Variants in LDAH observed in about 807,000 individuals in gnomAD.
LDAH encodes the protein lipid droplet associated hydrolase.
A neutral mutation model predicts 29.6 loss-of-function variants in LDAH; 26 were observed. That is an observed-to-expected ratio of 0.88 (90% CI 0.64 to 1.22). The LOEUF (loss-of-function observed/expected upper bound fraction) is 1.22. Among genes scored for constraint, LDAH ranks in the 50% most tolerant of loss-of-function variants. The pLI, the probability that LDAH is intolerant of heterozygous loss-of-function variation, is 0.00. For synonymous variants in LDAH, 117 were observed against 133.0 expected (o/e 0.88, Z 0.83); for missense variants, 344 against 387.3 (o/e 0.89, Z 0.94).
At chr2:20,799,569 G>A (rs769445024) in intron 2 of LDAH, among the ~76,000 whole-genome samples, 7 of 151,922 alleles carry the variant, frequency 4.6e-5, no homozygotes, top group Admixed American at 1.3e-4. Context: ...CTACTCTGCC[G>A]ACTATGCCAA....
rs1198807260 is a variant in LDAH at position 20,684,761 on chromosome 2, C to A, written c.*2142G>T. On this transcript the variant is annotated 3_prime_UTR_variant, in exon 7 of 7. Transcript: ENST00000237822. ...CTCAATCGCTGAGCACTCGGTAACT[C>A]TGCAGGAAGTTAAAACTTTCACAAA... is the stretch of plus-strand genomic sequence containing the variant. 4 of 1,141,904 alleles carry A rather than the reference C, an allele frequency of 3.5e-6. No homozygotes were observed. The highest frequency in any genetic ancestry group is 1.6e-5 in the African/African-American group (1 of 64,368). 70.7% of individuals were successfully genotyped at this position (1,141,904 alleles called of 1,614,324 possible).
intron 5 of LDAH, among the ~76,000 whole-genome samples, chr2:20,720,863 C>T (rs1665596849): frequency 6.6e-6 from 1 of 151,950 alleles, no homozygotes; most frequent in African/African-American, 2.4e-5. Context: ...TCAACAAAGG[C>T]ACTAAGAACA....
intron 5 of LDAH, among the ~76,000 whole-genome samples, chr2:20,703,160 T>C (rs1664071711): frequency 6.6e-6 from 1 of 152,242 alleles, no homozygotes; most frequent in Non-Finnish European, 1.5e-5. Flanking sequence ...TGCCTCTGCT[T>C]TCCTTGTTTA....
intron 2 of LDAH, among the ~76,000 whole-genome samples, chr2:20,791,512 TC>T (rs1445199647): frequency 1.3e-5 from 2 of 152,234 alleles, no homozygotes; most frequent in African/African-American, 4.8e-5. Context: ...TTATTTTGCT[TC>T]TGTTGCATTC....
chr2:20,688,506 A>T (rs1572395350), intron 6 of LDAH, among the ~76,000 whole-genome samples: 2 of 152,146 alleles, frequency 1.3e-5, no homozygotes, highest in Non-Finnish European at 2.9e-5. Context: ...TGTCAGGAAA[A>T]CCACTCTGGC....
chr2:20,711,946 C>G (rs1664796763), intron 5 of LDAH, among the ~76,000 whole-genome samples: 1 of 152,386 alleles, frequency 6.6e-6, no homozygotes, highest in Non-Finnish European at 1.5e-5. Context: ...GACTCCACCT[C>G]TGAGGGCAGG....
In LDAH at chr2:20,795,933, C is replaced by T. The variant is rs965730645; in HGVS notation, c.154+5377G>A. On this transcript the variant is annotated intron_variant, in intron 2 of 6. Coordinates refer to ENST00000237822, the MANE Select transcript of LDAH (RefSeq NM_021925.4). ...TACCACAGTGTAAATAGATTAGCTC[C>T]CCCGAAACCTGCCACACACACACAC... Among the ~76,000 whole-genome samples the T allele has an allele frequency of 3.6e-5, 5 of 140,516 alleles. No homozygotes were observed. In the East Asian group the frequency reaches 8.4e-4, roughly 24 times the overall value. The allele number at this position is 140,516 out of a possible 152,430, so 92.2% of individuals were successfully genotyped here. A position where few individuals can be genotyped will look rare whatever the true frequency, so the allele number is the denominator to read the frequency against.
At chr2:20,699,104 A>AT (rs1361963253) in intron 6 of LDAH, among the ~76,000 whole-genome samples, 3 of 152,146 alleles carry the variant, frequency 2.0e-5, no homozygotes, top group Non-Finnish European at 4.4e-5. Flanking sequence ...ACAAAGATAT[A>AT]TTTTTCAGAA....
intron 5 of LDAH, among the ~76,000 whole-genome samples, chr2:20,729,507 T>G (rs1194561180): frequency 6.6e-6 from 1 of 152,200 alleles, no homozygotes; most frequent in African/African-American, 2.4e-5. Context: ...GCATATCTAA[T>G]GGTGTCCTCA....
intron 1 of LDAH, among the ~76,000 whole-genome samples, chr2:20,813,929 A>G (rs1193355063): frequency 6.6e-6 from 1 of 152,148 alleles, no homozygotes; most frequent in Non-Finnish European, 1.5e-5. Flanking sequence ...TCAGTCTGTA[A>G]GAAAACTTTG....
chr2:20,715,644 C>T (rs1168834534), intron 5 of LDAH, among the ~76,000 whole-genome samples: 1 of 152,182 alleles, frequency 6.6e-6, no homozygotes, highest in Non-Finnish European at 1.5e-5. Context: ...ATTGTCTCAG[C>T]CCAAAATTTC....
rs545949714 is a variant in LDAH, at chr2:20,770,672, TG to T, written c.468+4137del. ...GAGCATTCACGGGGTTTCCTACTCT[TG>T]GAGCACCAACACAATGAGTCACACG... On this transcript the variant is annotated intron_variant, in intron 4 of 6. Coordinates refer to ENST00000237822, the MANE Select transcript of LDAH (RefSeq NM_021925.4). 1.8e-3 allele frequency among the ~76,000 whole-genome samples: 268 copies of T among 152,316 alleles called. 2 individuals are homozygous for T. The highest frequency in any genetic ancestry group is 6.3e-3 in the African/African-American group (260 of 41,568).
At chr2:20,752,698 C>T (rs1185280956) in intron 4 of LDAH, among the ~76,000 whole-genome samples, 4 of 152,178 alleles carry the variant, frequency 2.6e-5, no homozygotes, top group Admixed American at 2.0e-4. Flanking sequence ...CTTCAAATAA[C>T]AAAAATTTAC....
At chr2:20,683,122 A>G (rs1383297657), downstream of LDAH, among the ~76,000 whole-genome samples, 1 of 152,112 alleles carries the variant, frequency 6.6e-6, no homozygotes, top group East Asian at 1.9e-4. Flanking sequence ...TGCTCTGAGG[A>G]TGCTCACCCA....
At chr2:20,729,568 C>T (rs766286001) in intron 5 of LDAH, among the ~76,000 whole-genome samples, 5 of 152,184 alleles carry the variant, frequency 3.3e-5, no homozygotes, top group Non-Finnish European at 5.9e-5. Flanking sequence ...GGACAAGGAG[C>T]TCCTAATTCA....
chr2:20,683,598 A>G (rs543928827), downstream of LDAH, among the ~76,000 whole-genome samples: 42 of 152,374 alleles, frequency 2.8e-4, no homozygotes, highest in African/African-American at 9.9e-4. Context: ...GGCTGAGGCC[A>G]GAAAGCTGAG....
In LDAH at chr2:20,801,402, G is replaced by A; in HGVS notation, c.62C>T (p.Ala21Val). The part of the protein sequence containing the change: ...VHEEFILCGG[A>V]ETQVLKCGPW... Reference sequence around the variant, plus strand: ...CCCACATTTTAGAACCTGGGTTTCGGCTCCACCACACAAAATGAATTCCTC... The same window carrying A: ...CCCACATTTTAGAACCTGGGTTTCGACTCCACCACACAAAATGAATTCCTC... The change falls in exon 2 of 7, where the codon GCC (alanine) becomes GTC (valine). Residue 21 changes from alanine to valine, a missense_variant. Coordinates refer to ENST00000237822, the MANE Select transcript of LDAH (RefSeq NM_021925.4). 6.2e-7 allele frequency: 1 copy of A among 1,614,078 alleles called. No homozygotes were observed. The highest frequency in any genetic ancestry group is 1.7e-5 in the Admixed American group (1 of 60,008).
At chr2:20,791,222 C>T (rs1349176782) in intron 2 of LDAH, among the ~76,000 whole-genome samples, 1 of 152,206 alleles carries the variant, frequency 6.6e-6, no homozygotes, top group South Asian at 2.1e-4. Flanking sequence ...TGGTTAAGAG[C>T]ATAGACTCTG....
rs1281997383 is a variant in LDAH, at chr2:20,685,792, C to T, written c.*1111G>A. 9.3e-7 allele frequency: 1 copy of T among 1,076,522 alleles called. No individual in the cohort carries two copies. Among genetic ancestry groups the T allele is most frequent in the African/African-American group, 1.6e-5 (1 of 62,614 alleles). The allele number at this position is 1,076,522 out of a possible 1,614,324, so 66.7% of individuals were successfully genotyped here. ...GCCAGGGAATATGTGTCTTCTCTGC[C>T]ATACCTCAATGTGTCTAGAGAAGGT... On this transcript the variant is annotated 3_prime_UTR_variant, in exon 7 of 7. Transcript: ENST00000237822.
Sources: gnomAD v4.1 joint callset for allele counts (sites outside exome capture counted in the v4.1 genomes callset) on GRCh38, gnomAD v4.1.1 for gene constraint, MANE v1.5 for transcripts, NCBI Gene and HGNC (gene_info 2026-07-23, HGNC 2026-07-21) for gene names.